EXOC6B: variants seen among roughly 807,000 people sequenced by gnomAD.
EXOC6B encodes exocyst complex component 6B.
Under a neutral mutation model 113.5 loss-of-function variants are expected in EXOC6B, and 54 were observed. That is an observed-to-expected ratio of 0.48 (90% CI 0.38 to 0.60). The LOEUF (loss-of-function observed/expected upper bound fraction) is 0.60, where lower values mean the gene tolerates loss of function less well. Among genes scored for constraint, EXOC6B ranks in the 20% least tolerant of loss-of-function variants. The pLI, the probability that EXOC6B is intolerant of heterozygous loss-of-function variation, is 0.00. For synonymous variants in EXOC6B, 357 were observed against 339.0 expected (o/e 1.05, Z -0.58); for missense variants, 797 against 977.5 (o/e 0.82, Z 2.46).
chr2:72,268,986 C>T (rs180755974), intron 20 of EXOC6B, among the ~76,000 whole-genome samples: 1 of 152,236 alleles, frequency 6.6e-6, no homozygotes, highest in African/African-American at 2.4e-5. Flanking sequence ...AATGGACTAA[C>T]ATACTCATAT....
chr2:72,553,308 A>G (rs1400843041), intron 8 of EXOC6B, among the ~76,000 whole-genome samples: 1 of 152,110 alleles, frequency 6.6e-6, no homozygotes, highest in South Asian at 2.1e-4. Flanking sequence ...GCTCAATTAA[A>G]TAATTTAAAA....
At chr2:72,443,094 A>AGGTG (rs1253121475) in intron 18 of EXOC6B, among the ~76,000 whole-genome samples, 1 of 152,082 alleles carries the variant, frequency 6.6e-6, no homozygotes, top group Non-Finnish European at 1.5e-5. Flanking sequence ...TGGGAGGCTG[A>AGGTG]GGTGGGTGGG....
chr2:72,429,731 T>C (rs1319489267), intron 18 of EXOC6B, among the ~76,000 whole-genome samples: 1 of 152,172 alleles, frequency 6.6e-6, no homozygotes, highest in Non-Finnish European at 1.5e-5. Flanking sequence ...ACTGAATATG[T>C]AGAGGCCAGG....
Position 72,784,504 on chromosome 2 carries a change from G to A in EXOC6B, c.113+41294C>T, listed in dbSNP as rs1222001068. ...ACTTGGAAGGAAAAGAGGTTTAATT[G>A]GACTTACAGTTCCACATGGCTGGGG... On this transcript the variant is annotated intron_variant, in intron 1 of 21. Coordinates refer to ENST00000272427, the MANE Select transcript of EXOC6B (RefSeq NM_015189.3). Among the ~76,000 whole-genome samples, 5 of 152,108 alleles carry A rather than the reference G, an allele frequency of 3.3e-5. 1 individual carries two copies. Among genetic ancestry groups the A allele is most frequent in the Admixed American group, 3.3e-4 (5 of 15,272 alleles).
intron 20 of EXOC6B, among the ~76,000 whole-genome samples, chr2:72,284,767 C>G (rs11902025): frequency 0.36 from 55,101 of 151,760 alleles, 12,946 homozygotes; most frequent in African/African-American, 0.67. Flanking sequence ...ACTAACAAGT[C>G]ATTACAGCAA....
intron 6 of EXOC6B, among the ~76,000 whole-genome samples, chr2:72,670,799 C>T (rs1675733868): frequency 6.6e-6 from 1 of 152,076 alleles, no homozygotes; most frequent in Admixed American, 6.6e-5. Flanking sequence ...TACTCTTTTC[C>T]TCATCCTCTC....
chr2:72,216,404 A>C (rs1426901642), intron 20 of EXOC6B, among the ~76,000 whole-genome samples: 2 of 152,258 alleles, frequency 1.3e-5, no homozygotes, highest in Non-Finnish European at 2.9e-5. Context: ...TCAAAACAAC[A>C]GATGCTGGAG....
chr2:72,629,293 G>A (rs757491272), intron 6 of EXOC6B, among the ~76,000 whole-genome samples: 7 of 152,116 alleles, frequency 4.6e-5, no homozygotes, highest in Non-Finnish European at 8.8e-5. Flanking sequence ...ATACAGCCTT[G>A]GCTTTTTTGA....
At chr2:72,226,185 T>C (rs1681224663) in intron 20 of EXOC6B, among the ~76,000 whole-genome samples, 1 of 152,172 alleles carries the variant, frequency 6.6e-6, no homozygotes, top group Non-Finnish European at 1.5e-5. Context: ...GATGATTGAA[T>C]GCAACGAGGT....
intron 11 of EXOC6B, among the ~76,000 whole-genome samples, chr2:72,508,959 G>A (rs1374590770): frequency 3.9e-5 from 6 of 152,056 alleles, no homozygotes; most frequent in Non-Finnish European, 8.8e-5. Flanking sequence ...AAATATGTAG[G>A]GAAAGGAGAG....
At chr2:72,751,980 C>T (rs1682071161) in intron 1 of EXOC6B, among the ~76,000 whole-genome samples, 1 of 152,076 alleles carries the variant, frequency 6.6e-6, no homozygotes, top group South Asian at 2.1e-4. Context: ...CATAGCTAAA[C>T]TTTGGTAGCA....
intron 6 of EXOC6B, among the ~76,000 whole-genome samples, chr2:72,656,622 G>C (rs1249008742): frequency 2.0e-5 from 3 of 152,012 alleles, no homozygotes; most frequent in Non-Finnish European, 4.4e-5. Flanking sequence ...TGGATAAAAA[G>C]CTCCCCCCTT....
chr2:72,419,784 T>C (rs149356183), intron 18 of EXOC6B, among the ~76,000 whole-genome samples: 55 of 152,330 alleles, frequency 3.6e-4, no homozygotes, highest in African/African-American at 1.3e-3. Flanking sequence ...TGGTCTCTTT[T>C]AGTTCATCCA....
At chr2:72,611,379 T>C (rs577444504) in intron 6 of EXOC6B, among the ~76,000 whole-genome samples, 139 of 149,458 alleles carry the variant, frequency 9.3e-4, no homozygotes, top group South Asian at 3.6e-3. Context: ...AAAAAAGGCT[T>C]GTCAAGGTCA....
intron 20 of EXOC6B, among the ~76,000 whole-genome samples, chr2:72,327,772 A>T (rs901032501): frequency 6.6e-6 from 1 of 152,114 alleles, no homozygotes; most frequent in African/African-American, 2.4e-5. Flanking sequence ...GCAGTTCTAG[A>T]GCAGATTCTC....
At chr2:72,785,042 A>T (rs772152344) in intron 1 of EXOC6B, among the ~76,000 whole-genome samples, 2 of 152,192 alleles carry the variant, frequency 1.3e-5, no homozygotes, top group Non-Finnish European at 2.9e-5. Context: ...GAAATTGGCC[A>T]AAACAAAGGG....
At chr2:72,699,453 G>A (rs991257552) in intron 6 of EXOC6B, among the ~76,000 whole-genome samples, 3 of 151,232 alleles carry the variant, frequency 2.0e-5, no homozygotes, top group Non-Finnish European at 4.4e-5. Context: ...ATCCCAGCCT[G>A]GGCGACAGAG....
chr2:72,583,532 G>A (rs1705355096), intron 6 of EXOC6B, among the ~76,000 whole-genome samples: 1 of 152,148 alleles, frequency 6.6e-6, no homozygotes. Flanking sequence ...CACAAGACAG[G>A]AGAGATTAGG....
At chr2:72,471,404 T>G (rs1225783542) in intron 17 of EXOC6B, among the ~76,000 whole-genome samples, 1 of 152,218 alleles carries the variant, frequency 6.6e-6, no homozygotes, top group African/African-American at 2.4e-5. Context: ...TTTCTCCCAT[T>G]CTGTAGGTTG....
Sources: gnomAD v4.1 joint callset for allele counts (sites outside exome capture counted in the v4.1 genomes callset) on GRCh38, gnomAD v4.1.1 for gene constraint, MANE v1.5 for transcripts, NCBI Gene and HGNC (gene_info 2026-07-23, HGNC 2026-07-21) for gene names.